The following SH3RF1 variants were observed in gnomAD, a reference collection of about 807,000 sequenced individuals.
SH3RF1 encodes the protein SH3 domain containing ring finger 1.
A neutral mutation model predicts 74.0 loss-of-function variants in SH3RF1; 32 were observed. The ratio of observed to expected loss-of-function variants is 0.43; its 90% CI spans 0.33 to 0.58. The LOEUF is 0.58. SH3RF1 is among the 20% of genes least tolerant of loss of function. The pLI is 0.05. For synonymous variants in SH3RF1, 396 were observed against 439.6 expected, an observed-to-expected ratio of 0.90 and a Z score of 1.24; for missense variants, 954 against 1,130.9, an observed-to-expected ratio of 0.84 and a Z score of 2.24.
At chr4:169,186,160 C>T (rs1579126034) in intron 2 of SH3RF1, among the ~76,000 whole-genome samples, 4 of 152,244 alleles carry the variant, frequency 2.6e-5, no homozygotes, top group East Asian at 1.9e-4. Flanking sequence ...ACTTCTCCAG[C>T]AAGAGCGATG....
At position 169,120,979 on chromosome 4, in the gene SH3RF1, T is replaced by G. The variant is rs144219958; in HGVS notation, c.1357A>C (p.Ile453Leu). 9 of 1,612,812 alleles carry G rather than the reference T, an allele frequency of 5.6e-6. No individual in the cohort carries two copies. The highest frequency in any genetic ancestry group is 7.6e-6 in the Non-Finnish European group (9 of 1,178,878). ...PQTRPSVYVA[I>L]YPYTPRKEDE... is the part of the protein sequence containing the mutation. ...TCTTTCCGAGGAGTGTATGGATATATAGCAACATACCTAGAATAGAAAATA... is the reference window on the plus strand; with the variant it reads ...TCTTTCCGAGGAGTGTATGGATATAGAGCAACATACCTAGAATAGAAAATA... The change falls in exon 8 of 12, where the codon ATA becomes CTA. Residue 453 changes from isoleucine (I) to leucine (L), a missense_variant. Ile to Leu is a conservative substitution (Grantham distance 5). This residue lies in a region of SH3RF1 where 854 missense variants were observed against 962.5 expected (regional missense o/e 0.89). Coordinates refer to ENST00000284637, the MANE Select transcript of SH3RF1 (RefSeq NM_020870.4).
chr4:169,215,097 G>T (rs1253750629), intron 2 of SH3RF1, among the ~76,000 whole-genome samples: 3 of 151,992 alleles, frequency 2.0e-5, no homozygotes, highest in Non-Finnish European at 4.4e-5. Context: ...TAGGATTTGG[G>T]GTAAATTTTT....
chr4:169,127,127 A>C (rs1561030826), intron 6 of SH3RF1, among the ~76,000 whole-genome samples: 1 of 152,186 alleles, frequency 6.6e-6, no homozygotes, highest in Non-Finnish European at 1.5e-5. Context: ...CACTACTATT[A>C]ATAGTTTGAT....
chr4:169,232,712 G>A (rs570940827), intron 2 of SH3RF1, among the ~76,000 whole-genome samples: 1 of 152,276 alleles, frequency 6.6e-6, no homozygotes, highest in South Asian at 2.1e-4. Context: ...TAAAATGGGA[G>A]TTGATTGGGT....
intron 2 of SH3RF1, among the ~76,000 whole-genome samples, chr4:169,162,833 T>C (rs1734171382): frequency 6.6e-6 from 1 of 152,168 alleles, no homozygotes; most frequent in South Asian, 2.1e-4. Context: ...CTCAAGAATG[T>C]GGGCTGACCA....
intron 2 of SH3RF1, among the ~76,000 whole-genome samples, chr4:169,226,475 G>A (rs1291121605): frequency 2.6e-5 from 4 of 151,428 alleles, no homozygotes; most frequent in African/African-American, 9.7e-5. Context: ...AAAATTTGAG[G>A]GAGCCTGATT....
At chr4:169,122,495 G>A (rs1249958412) in intron 6 of SH3RF1, among the ~76,000 whole-genome samples, 1 of 152,094 alleles carries the variant, frequency 6.6e-6, no homozygotes, top group Non-Finnish European at 1.5e-5. Context: ...TTTTCAGCAA[G>A]CAGGTAAGTA....
intron 6 of SH3RF1, among the ~76,000 whole-genome samples, chr4:169,122,857 C>A (rs1052386185): frequency 6.6e-6 from 1 of 152,120 alleles, no homozygotes; most frequent in Non-Finnish European, 1.5e-5. Context: ...TTGGTACTAT[C>A]GAGGCTGGTA....
intron 4 of SH3RF1, among the ~76,000 whole-genome samples, chr4:169,147,055 A>G (rs945801279): frequency 3.9e-5 from 6 of 152,242 alleles, no homozygotes; most frequent in Admixed American, 6.5e-5. Context: ...CAACAGATGT[A>G]CAGTCTATTC....
chr4:169,246,828 A>G (rs1218831992), intron 2 of SH3RF1, among the ~76,000 whole-genome samples: 2 of 152,246 alleles, frequency 1.3e-5, no homozygotes, highest in Non-Finnish European at 2.9e-5. Flanking sequence ...CTAAAATCCC[A>G]TTCAAATTTT....
rs754952019 is a variant in SH3RF1, at chr4:169,116,258, T to C, written c.2139+11A>G. Reference sequence around the variant, plus strand: ...GTAAAGCAGAGAAACAGTAAGTAAGTATGGTCTTACTTTGCTATCCTTGTC... The same window carrying C: ...GTAAAGCAGAGAAACAGTAAGTAAGCATGGTCTTACTTTGCTATCCTTGTC... On this transcript the variant is annotated intron_variant, in intron 10 of 11. Transcript: ENST00000284637. 104 of 1,585,884 alleles carry C rather than the reference T, an allele frequency of 6.6e-5. No homozygotes were observed. Among genetic ancestry groups the C allele is most frequent in the Non-Finnish European group, 8.0e-5 (93 of 1,164,210 alleles).
chr4:169,204,143 G>A (rs1202035001), intron 2 of SH3RF1: 1 of 152,158 alleles, frequency 6.6e-6, no homozygotes, highest in Non-Finnish European at 1.5e-5. Context: ...CAAATGAGAT[G>A]AGGTAAACCA....
chr4:169,133,100 T>C (rs755998313), intron 5 of SH3RF1, among the ~76,000 whole-genome samples: 8 of 152,128 alleles, frequency 5.3e-5, no homozygotes, highest in Non-Finnish European at 7.4e-5. Flanking sequence ...AATTGCCATA[T>C]AGAAACCAGG....
At chr4:169,103,086 A>ATTTTTTTTTTTT (rs60740517) in intron 11 of SH3RF1, among the ~76,000 whole-genome samples, 14 of 87,074 alleles carry the variant, frequency 1.6e-4, no homozygotes, top group East Asian at 3.3e-4. Context: ...GCGCCTGGCT[A>ATTTTTTTTTTTT]TTTTTTTTTT....
chr4:169,097,096 G>A (rs956599089), intron 11 of SH3RF1, among the ~76,000 whole-genome samples: 1 of 152,146 alleles, frequency 6.6e-6, no homozygotes, highest in African/African-American at 2.4e-5. Flanking sequence ...AGCTGAGCAG[G>A]GGGGGTTCAG....
At chr4:169,146,916 C>G (rs138536928) in intron 4 of SH3RF1, among the ~76,000 whole-genome samples, 1,620 of 152,200 alleles carry the variant, frequency 0.011, 12 homozygotes, top group Non-Finnish European at 0.014. Flanking sequence ...AAGGCCTAGG[C>G]AGAGAAGACA....
chr4:169,113,180 G>A lies in SH3RF1; in HGVS notation c.2139+3089C>T, dbSNP rs989697667. ...GGCTGGAGTGCAGTGGTGTGATCTC[G>A]GCTCACTGCAACCTCCGACTCCCTG... is the stretch of plus-strand genomic sequence containing the variant. On this transcript the variant is annotated intron_variant, in intron 10 of 11. Coordinates refer to ENST00000284637, the MANE Select transcript of SH3RF1 (RefSeq NM_020870.4). Among the ~76,000 whole-genome samples the A allele has an allele frequency of 3.3e-5, 5 of 151,516 alleles. 1 individual carries two copies. Among genetic ancestry groups the A allele is most frequent in the East Asian group, 3.9e-4 (2 of 5,154 alleles).
At chr4:169,168,855 G>T (rs997341874) in intron 2 of SH3RF1, among the ~76,000 whole-genome samples, 2 of 152,236 alleles carry the variant, frequency 1.3e-5, no homozygotes, top group Non-Finnish European at 2.9e-5. Context: ...TCTTAGGGGT[G>T]GAATCTCAAT....
chr4:169,201,752 C>G (rs1579134338), intron 2 of SH3RF1: 1 of 152,150 alleles, frequency 6.6e-6, no homozygotes, highest in Admixed American at 6.5e-5. Flanking sequence ...TCTGATTTCC[C>G]AGTTGAAATC....
Sources: gnomAD v4.1 joint callset for allele counts (sites outside exome capture counted in the v4.1 genomes callset) on GRCh38, gnomAD v4.1.1 for gene constraint, gnomAD v4.1.1 regional missense constraint, MANE v1.5 for transcripts, NCBI Gene and HGNC (gene_info 2026-07-23, HGNC 2026-07-21) for gene names.